ARHGEF7: variants seen among roughly 807,000 people sequenced by gnomAD.
The protein encoded by ARHGEF7 is Rho guanine nucleotide exchange factor 7.
Under a neutral mutation model 109.8 loss-of-function variants are expected in ARHGEF7, and 33 were observed. That is an observed-to-expected ratio of 0.30 (90% CI 0.23 to 0.40). The LOEUF (loss-of-function observed/expected upper bound fraction) is 0.40, where lower values mean the gene tolerates loss of function less well. Among genes scored for constraint, ARHGEF7 ranks in the 10% least tolerant of loss-of-function variants. ARHGEF7 has a pLI of 1.00. For synonymous variants in ARHGEF7, 458 were observed against 424.6 expected, an observed-to-expected ratio of 1.08 and a Z score of -0.97; for missense variants, 938 against 1,098.5, an observed-to-expected ratio of 0.85 and a Z score of 2.07.
Position 111,286,244 on chromosome 13 carries a change from A to T in ARHGEF7, c.2044+4A>T. The stretch of plus-strand genomic sequence containing the variant: ...GAGGAGTTCGCGTCCCGGAAAAGTG[A>T]GTACCTGCGGTCCGTGTGGTGGAGG... On this transcript the variant is annotated splice_donor_region_variant and intron_variant, in intron 17 of 21. Coordinates refer to ENST00000646102, the MANE Select transcript of ARHGEF7 (RefSeq NM_001354046.2). The T allele has an allele frequency of 6.2e-7, 1 of 1,612,210 alleles. No homozygotes were observed. The highest frequency in any genetic ancestry group is 8.5e-7 in the Non-Finnish European group (1 of 1,178,760).
chr13:111,126,452 T>C (rs1377019198), intron 1 of ARHGEF7, among the ~76,000 whole-genome samples: 1 of 149,680 alleles, frequency 6.7e-6, no homozygotes, highest in Non-Finnish European at 1.5e-5. Context: ...ATCGTGCCAC[T>C]GCACTCCAGC....
chr13:111,221,569 A>G (rs1181242643), intron 5 of ARHGEF7, among the ~76,000 whole-genome samples: 10 of 81,884 alleles, frequency 1.2e-4, no homozygotes, highest in South Asian at 4.3e-4. Context: ...CTATATATAT[A>G]GATACATATC....
At chr13:111,215,156 T>C (rs1158345004) in intron 4 of ARHGEF7, among the ~76,000 whole-genome samples, 1 of 152,150 alleles carries the variant, frequency 6.6e-6, no homozygotes, top group African/African-American at 2.4e-5. Flanking sequence ...CAATGCGTCA[T>C]AATCATATCA....
intron 2 of ARHGEF7, chr13:111,182,701 G>A (rs1477846814): frequency 6.6e-6 from 1 of 152,254 alleles, no homozygotes; most frequent in African/African-American, 2.4e-5. Flanking sequence ...TGGACTAGAT[G>A]TTTAGAAAGC....
chr13:111,155,067 A>G (rs988461387), intron 2 of ARHGEF7, among the ~76,000 whole-genome samples: 2 of 152,258 alleles, frequency 1.3e-5, no homozygotes, highest in Admixed American at 6.5e-5. Flanking sequence ...TTTATAATGT[A>G]CTAGGTAGTG....
intron 1 of ARHGEF7, among the ~76,000 whole-genome samples, chr13:111,123,871 C>T (rs1223125663): frequency 6.8e-6 from 1 of 146,744 alleles, no homozygotes; most frequent in South Asian, 2.3e-4. Context: ...CGCCCCCCCC[C>T]CCCGGCCCCG....
intron 1 of ARHGEF7, among the ~76,000 whole-genome samples, chr13:111,124,562 TGGCCAGCTGTGATGGGGCTGGGGCCCCTA>T (rs906925870): frequency 6.6e-6 from 1 of 152,122 alleles, no homozygotes; most frequent in African/African-American, 2.4e-5. Flanking sequence ...GCAAGAGGGG[TGGCCAGCTGTGATGGGGCTGGGGCCCCTA>T]GGCCTGCATC....
intron 8 of ARHGEF7, among the ~76,000 whole-genome samples, chr13:111,257,090 C>T (rs934659477): frequency 3.9e-5 from 6 of 152,224 alleles, no homozygotes; most frequent in African/African-American, 1.2e-4. Context: ...GTCCTCAGGC[C>T]TTGGCTTATG....
chr13:111,259,116 C>G (rs377678103), intron 8 of ARHGEF7, among the ~76,000 whole-genome samples: 1 of 152,164 alleles, frequency 6.6e-6, no homozygotes, highest in Admixed American at 6.5e-5. Flanking sequence ...GGCTCTGGCT[C>G]GCAGATGGCA....
intron 1 of ARHGEF7, among the ~76,000 whole-genome samples, chr13:111,127,916 T>C (rs2067686614): frequency 6.6e-6 from 1 of 152,042 alleles, no homozygotes; most frequent in Non-Finnish European, 1.5e-5. Flanking sequence ...AATCAATCAA[T>C]ACAATTCATG....
intron 2 of ARHGEF7, chr13:111,203,094 A>G: frequency 7.8e-7 from 1 of 1,284,180 alleles, no homozygotes; most frequent in Non-Finnish European, 1.0e-6. Context: ...GGGTTTTGTG[A>G]CTTGCTGCCT....
At chr13:111,300,283 G>A (rs2093534453) in intron 19 of ARHGEF7, among the ~76,000 whole-genome samples, 1 of 152,190 alleles carries the variant, frequency 6.6e-6, no homozygotes, top group African/African-American at 2.4e-5. Context: ...CTATGATGCT[G>A]TAATATCTTG....
intron 6 of ARHGEF7, among the ~76,000 whole-genome samples, chr13:111,238,219 GA>G (rs1387066288): frequency 6.6e-6 from 1 of 152,164 alleles, no homozygotes; most frequent in Non-Finnish European, 1.5e-5. Flanking sequence ...CGGGCGGCTT[GA>G]TGCAGTGGAA....
chr13:111,128,499 G>GCAAA (rs60774287), intron 1 of ARHGEF7, among the ~76,000 whole-genome samples: 6,541 of 151,862 alleles, frequency 0.043, 176 homozygotes, highest in African/African-American at 0.048. Context: ...TCTCAAACAA[G>GCAAA]CAAACAAACA....
intron 5 of ARHGEF7, among the ~76,000 whole-genome samples, chr13:111,229,187 A>G (rs1305962789): frequency 6.6e-6 from 1 of 151,946 alleles, no homozygotes; most frequent in Non-Finnish European, 1.5e-5. Flanking sequence ...AGGAATCCAG[A>G]GCTCTTCAGT....
At chr13:111,245,818 A>T (rs1687068619) in intron 8 of ARHGEF7, among the ~76,000 whole-genome samples, 1 of 152,242 alleles carries the variant, frequency 6.6e-6, no homozygotes, top group Non-Finnish European at 1.5e-5. Flanking sequence ...CATAGTCTAA[A>T]ATAAACAGCA....
At chr13:111,293,509 C>A in intron 19 of ARHGEF7, 1 of 985,090 alleles carries the variant, frequency 1.0e-6, no homozygotes, top group South Asian at 4.7e-5. Context: ...CTCACTCAGA[C>A]CAATTTCTGC....
chr13:111,209,624 A>C (rs902208809), intron 3 of ARHGEF7, among the ~76,000 whole-genome samples: 12 of 152,216 alleles, frequency 7.9e-5, no homozygotes, highest in African/African-American at 2.9e-4. Flanking sequence ...AACTTTTGAA[A>C]ATTATATTAG....
chr13:111,118,972 G>A (rs1254532726), intron 1 of ARHGEF7, among the ~76,000 whole-genome samples: 2 of 152,124 alleles, frequency 1.3e-5, no homozygotes, highest in African/African-American at 2.4e-5. Flanking sequence ...GGGTCTTAGT[G>A]CTGGATGTGG....
Sources: allele counts gnomAD v4.1 joint callset (sites outside exome capture counted in the v4.1 genomes callset), GRCh38; gene constraint gnomAD v4.1.1; transcripts MANE v1.5; gene names NCBI Gene and HGNC (gene_info 2026-07-23, HGNC 2026-07-21).